Variants in NEDD4 observed in about 807,000 individuals in gnomAD.
The protein encoded by NEDD4 is E3 ubiquitin-protein ligase NEDD4.
NEDD4 carries 99 observed loss-of-function variants against 144.9 expected under a neutral mutation model. That is an observed-to-expected ratio of 0.68 (90% CI 0.58 to 0.81). The LOEUF is 0.81. Ranked by LOEUF, NEDD4 falls within the 30% of genes least tolerant of loss-of-function variation. The pLI, the probability that NEDD4 is intolerant of heterozygous loss-of-function variation, is 0.00. For missense variants in NEDD4, 985 were observed against 1,065.9 expected, an observed-to-expected ratio of 0.92 and a Z score of 1.06; for synonymous variants, 318 against 350.6, an observed-to-expected ratio of 0.91 and a Z score of 1.04.
At chr15:55,916,664 A>G in intron 5 of NEDD4, 2 of 1,614,034 alleles carry the variant, frequency 1.2e-6, no homozygotes, top group Non-Finnish European at 1.7e-6. Context: ...GAGCTAGTGC[A>G]GTCTGTCTGG....
chr15:55,850,661 G>A lies in NEDD4; in HGVS notation c.1228C>T (p.Gln410Ter). ...ATTTCAGATGGCTGGGTCACCTGCT[G>A]GCCTGAATCACTGGTGGAGGCTTGT... is the stretch of plus-strand genomic sequence containing the variant. ...QSQASTSDSG[Q>*]QVTQPSEIEQ... is the part of the protein sequence containing the mutation. The change falls in exon 14 of 29, where the codon CAG (glutamine) becomes TAG (stop). Residue 410 changes from glutamine to a stop codon, truncating the protein, a stop_gained. Transcript: ENST00000435532. LOFTEE classifies it high-confidence loss of function. 1 of 1,614,086 alleles carries A rather than the reference G, an allele frequency of 6.2e-7. No individual in the cohort carries two copies. Among genetic ancestry groups the A allele is most frequent in the Non-Finnish European group, 8.5e-7 (1 of 1,180,034 alleles).
At chr15:55,872,040 T>C (rs1159416745) in intron 7 of NEDD4, among the ~76,000 whole-genome samples, 2 of 152,158 alleles carry the variant, frequency 1.3e-5, no homozygotes, top group Non-Finnish European at 2.9e-5. Flanking sequence ...AAAATATAGT[T>C]AGGTTTTTCT....
chr15:55,990,071 C>T (rs949980071), intron 1 of NEDD4, among the ~76,000 whole-genome samples: 5 of 151,656 alleles, frequency 3.3e-5, no homozygotes, highest in Admixed American at 6.6e-5. Flanking sequence ...CTCCCTGTCT[C>T]CCATTACCGT....
chr15:55,880,666 T>C (rs1052388216), intron 5 of NEDD4, among the ~76,000 whole-genome samples: 2 of 151,960 alleles, frequency 1.3e-5, no homozygotes, highest in African/African-American at 4.8e-5. Flanking sequence ...TAGGAGAGCA[T>C]AGAGGAATCT....
intron 1 of NEDD4, among the ~76,000 whole-genome samples, chr15:55,967,044 G>A (rs1346680086): frequency 6.6e-6 from 1 of 151,730 alleles, no homozygotes; most frequent in Non-Finnish European, 1.5e-5. Flanking sequence ...GCGCCACCAT[G>A]CCCAGATAAT....
intron 1 of NEDD4, among the ~76,000 whole-genome samples, chr15:55,984,565 T>A (rs2037859399): frequency 6.6e-6 from 1 of 152,212 alleles, no homozygotes; most frequent in African/African-American, 2.4e-5. Flanking sequence ...GCCATGATTG[T>A]TTGTTCATAT....
chr15:55,853,985 G>A (rs919973167), intron 12 of NEDD4, among the ~76,000 whole-genome samples: 8 of 151,860 alleles, frequency 5.3e-5, no homozygotes, highest in Non-Finnish European at 8.8e-5. Context: ...GCAAAACTCC[G>A]ACTCAAAATA....
intron 2 of NEDD4, among the ~76,000 whole-genome samples, chr15:55,961,436 G>A (rs1048381960): frequency 2.0e-5 from 3 of 151,922 alleles, no homozygotes; most frequent in Non-Finnish European, 2.9e-5. Flanking sequence ...GACAATAAAT[G>A]TACGTTCTTT....
rs541836740 is a variant in NEDD4, at chr15:55,992,544, TAGTC to T, written c.45+963_45+966del. Among the ~76,000 whole-genome samples, 135 of 152,326 alleles carry T rather than the reference TAGTC, an allele frequency of 8.9e-4. 1 individual carries two copies. The highest frequency in any genetic ancestry group is 4.4e-3 in the Admixed American group (67 of 15,298). The stretch of plus-strand genomic sequence containing the variant: ...TTGATAAAAGGTACATGTGGCAGCT[TAGTC>T]AGCCAACAAGAAAGCAAAAAACTTG... On this transcript the variant is annotated intron_variant, in intron 1 of 28. Coordinates refer to ENST00000435532, the MANE Select transcript of NEDD4 (RefSeq NM_006154.4).
At chr15:55,919,703 C>G (rs1207035408) in intron 5 of NEDD4, among the ~76,000 whole-genome samples, 1 of 152,148 alleles carries the variant, frequency 6.6e-6, no homozygotes, top group East Asian at 1.9e-4. Flanking sequence ...ATTTCATATT[C>G]CGGAATGAAA....
rs563056399 is a variant in NEDD4, at chr15:55,968,450, A to G, written c.46-1904T>C. Reference sequence around the variant, plus strand: ...TATCATGTGCAAAATGAAAAAAACAAGGGGATATTTTAGATACTTCTTCCT... The same window carrying G: ...TATCATGTGCAAAATGAAAAAAACAGGGGGATATTTTAGATACTTCTTCCT... On this transcript the variant is annotated intron_variant, in intron 1 of 28. Coordinates refer to ENST00000435532, the MANE Select transcript of NEDD4 (RefSeq NM_006154.4). 3.8e-4 allele frequency among the ~76,000 whole-genome samples: 58 copies of G among 152,312 alleles called. 1 individual carries two copies. The highest frequency in any genetic ancestry group is 1.3e-3 in the African/African-American group (56 of 41,578).
At chr15:55,945,065 C>T (rs760406672) in intron 4 of NEDD4, among the ~76,000 whole-genome samples, 2 of 152,038 alleles carry the variant, frequency 1.3e-5, no homozygotes, top group African/African-American at 4.8e-5. Flanking sequence ...GAAACCAGAG[C>T]AGAAAAGCTG....
chr15:55,951,592 G>C lies in NEDD4; in HGVS notation c.120-3C>G. On this transcript the variant is annotated splice_region_variant and splice_polypyrimidine_tract_variant and intron_variant, in intron 2 of 28. Transcript: ENST00000435532. ...ACGTCACTCTCACGTAAGGATCACT[G>C]TTAAAAAAAAAAAAAAAAAGAAAGA... 9.3e-7 allele frequency: 1 copy of C among 1,077,096 alleles called. No homozygotes were observed. The highest frequency in any genetic ancestry group is 1.2e-6 in the Non-Finnish European group (1 of 831,468). The allele number at this position is 1,077,096 out of a possible 1,614,324, so 66.7% of individuals were successfully genotyped here.
intron 1 of NEDD4, among the ~76,000 whole-genome samples, chr15:55,970,807 CAAG>C (rs1443257806): frequency 6.6e-6 from 1 of 152,174 alleles, no homozygotes; most frequent in East Asian, 1.9e-4. Context: ...AAAGCCTTCT[CAAG>C]AAGGATGGGT....
At chr15:55,912,902 G>C (rs2036320699) in intron 5 of NEDD4, among the ~76,000 whole-genome samples, 1 of 152,002 alleles carries the variant, frequency 6.6e-6, no homozygotes. Flanking sequence ...ACATTATTAT[G>C]GAGATAGACT....
chr15:55,841,079 G>A (rs1217857377), intron 19 of NEDD4, among the ~76,000 whole-genome samples: 7 of 152,068 alleles, frequency 4.6e-5, no homozygotes, highest in Non-Finnish European at 4.4e-5. Context: ...AATTACAGGC[G>A]CCCGCCACCA....
At chr15:55,865,470 C>A (rs2034554087) in intron 8 of NEDD4, among the ~76,000 whole-genome samples, 1 of 151,594 alleles carries the variant, frequency 6.6e-6, no homozygotes, top group African/African-American at 2.4e-5. Flanking sequence ...GACACCAAAC[C>A]TTGAAGGCAT....
chr15:55,850,451 T>C, intron 14 of NEDD4, 91 bp downstream of exon 14: 1 of 1,175,990 alleles, frequency 8.5e-7, no homozygotes, highest in Non-Finnish European at 1.2e-6. Flanking sequence ...AAACATAGGT[T>C]ATACTAATAC....
intron 1 of NEDD4, among the ~76,000 whole-genome samples, chr15:55,973,048 T>C (rs12441774): frequency 0.15 from 22,649 of 152,282 alleles, 1,832 homozygotes; most frequent in East Asian, 0.32. Flanking sequence ...GAAATTTCAA[T>C]ATCCCACTTT....
Sources: gnomAD v4.1 joint callset for allele counts (sites outside exome capture counted in the v4.1 genomes callset) on GRCh38, gnomAD v4.1.1 for gene constraint, MANE v1.5 for transcripts, NCBI Gene and HGNC (gene_info 2026-07-23, HGNC 2026-07-21) for gene names.